EVL: variants seen among roughly 807,000 people sequenced by gnomAD.
EVL encodes Enah/Vasp-like, also known as ena/VASP-like protein.
EVL carries 21 observed loss-of-function variants against 59.6 expected under a neutral mutation model. The ratio of observed to expected loss-of-function variants is 0.35; its 90% CI spans 0.25 to 0.51. The LOEUF is 0.51. EVL is among the 20% of genes least tolerant of loss of function. The pLI is 0.97. For synonymous variants in EVL, 198 were observed against 203.5 expected (o/e 0.97, Z 0.23); for missense variants, 462 against 546.6 (o/e 0.85, Z 1.54).
At chr14:99,987,903 CA>C (rs1471075391) in intron 1 of EVL, among the ~76,000 whole-genome samples, 3 of 144,284 alleles carry the variant, frequency 2.1e-5, no homozygotes, top group Non-Finnish European at 3.0e-5. Flanking sequence ...AAAGACAACC[CA>C]ATTTTTTTTT....
intron 1 of EVL, among the ~76,000 whole-genome samples, chr14:100,044,010 G>T (rs2140237182): frequency 6.6e-6 from 1 of 152,270 alleles, no homozygotes; most frequent in Middle Eastern, 3.4e-3. Flanking sequence ...CACATTGAGG[G>T]TAGGTCTTCC....
chr14:100,014,386 T>C (rs1317125733), intron 1 of EVL, among the ~76,000 whole-genome samples: 2 of 152,254 alleles, frequency 1.3e-5, no homozygotes, highest in Non-Finnish European at 2.9e-5. Flanking sequence ...CATGTGAAGT[T>C]TGTCTTTCTG....
intron 1 of EVL, among the ~76,000 whole-genome samples, chr14:100,033,645 C>G (rs2061346357): frequency 1.3e-5 from 2 of 152,222 alleles, no homozygotes; most frequent in African/African-American, 4.8e-5. Context: ...ACTTACTGAA[C>G]TTGACTATGA....
chr14:100,084,326 T>C (rs1359945568), intron 1 of EVL, among the ~76,000 whole-genome samples: 1 of 152,192 alleles, frequency 6.6e-6, no homozygotes, highest in South Asian at 2.1e-4. Context: ...ATTACAGGCA[T>C]GAGCTACCGT....
intron 1 of EVL, among the ~76,000 whole-genome samples, chr14:100,001,411 T>C (rs571769237): frequency 2.0e-5 from 3 of 152,374 alleles, no homozygotes; most frequent in South Asian, 4.1e-4. Flanking sequence ...AGGTGTGTTA[T>C]AGTTTTTGAA....
intron 1 of EVL, among the ~76,000 whole-genome samples, chr14:100,047,598 G>T (rs767618398): frequency 7.9e-5 from 12 of 152,168 alleles, no homozygotes; most frequent in Non-Finnish European, 1.5e-4. Context: ...GTCAAGGAAT[G>T]CTTCCAGGTT....
chr14:100,051,515 T>C (rs1425634749), intron 1 of EVL, among the ~76,000 whole-genome samples: 2 of 152,228 alleles, frequency 1.3e-5, no homozygotes, highest in Non-Finnish European at 2.9e-5. Flanking sequence ...TTGATTTTCT[T>C]TTTACTTATA....
At position 99,972,255 on chromosome 14, in the gene EVL, G is replaced by C. The variant is rs1368214752; in HGVS notation, c.5+198G>C. Among the ~76,000 whole-genome samples, 1 of 152,058 alleles carries C rather than the reference G, an allele frequency of 6.6e-6. No individual in the cohort carries two copies. The highest frequency in any genetic ancestry group is 1.5e-5 in the Non-Finnish European group (1 of 67,996). ...TTCGCGAGAGCCGTGGGGGCGTCTG[G>C]AGAGCCGGGAGGGTCTGCAGGGCTT... On this transcript the variant is annotated intron_variant, in intron 1 of 13. Coordinates refer to the EVL transcript ENST00000402714. This position sits in a 1 kb window ranked among gnomAD's most constrained non-coding sequence, Gnocchi z 4.4.
At chr14:100,019,538 G>T in intron 1 of EVL, 1 of 760,972 alleles carries the variant, frequency 1.3e-6, no homozygotes, top group Non-Finnish European at 2.0e-6. Context: ...TTTTACTTCA[G>T]AATATTGGGG....
Position 100,065,496 on chromosome 14 carries a change from C to T in EVL, c.-5C>T. On this transcript the variant is annotated 5_prime_UTR_variant, in exon 1 of 14. Transcript: ENST00000392920. Reference sequence around the variant, plus strand: ...CAGGGTTCCCTGTGCTGCCACTTTTCAGCCATGGCCACAAGGTGAGTATTG... The same window carrying T: ...CAGGGTTCCCTGTGCTGCCACTTTTTAGCCATGGCCACAAGGTGAGTATTG... 6.6e-7 allele frequency: 1 copy of T among 1,520,340 alleles called. No individual in the cohort carries two copies. The highest frequency in any genetic ancestry group is 8.9e-7 in the Non-Finnish European group (1 of 1,123,084). The allele number at this position is 1,520,340 out of a possible 1,614,324, so 94.2% of individuals were successfully genotyped here.
chr14:100,098,931 A>G (rs564917821), intron 3 of EVL, among the ~76,000 whole-genome samples: 5 of 152,202 alleles, frequency 3.3e-5, no homozygotes, highest in Non-Finnish European at 7.4e-5. Flanking sequence ...TAACAACTCT[A>G]TTAGCATTTG....
intron 2 of EVL, among the ~76,000 whole-genome samples, chr14:100,087,463 A>T (rs915062352): frequency 6.6e-6 from 1 of 152,114 alleles, no homozygotes; most frequent in Non-Finnish European, 1.5e-5. Flanking sequence ...AAAAATATAT[A>T]AATTATCTGG....
intron 3 of EVL, among the ~76,000 whole-genome samples, chr14:100,103,652 A>G (rs995660334): frequency 2.4e-4 from 36 of 151,766 alleles, no homozygotes; most frequent in African/African-American, 6.3e-4. Flanking sequence ...CGCCCCTTCT[A>G]TGTGCTCCCC....
chr14:100,107,523 C>T lies in EVL; in HGVS notation c.358+9865C>T, dbSNP rs530655984. 6.5e-4 allele frequency: 253 copies of T among 386,426 alleles called. 1 individual carries two copies. The highest frequency in any genetic ancestry group is 3.6e-3 in the South Asian group (25 of 6,882). 23.9% of individuals were successfully genotyped at this position (386,426 alleles called of 1,614,324 possible). A position where few individuals can be genotyped will look rare whatever the true frequency, so the allele number is the denominator to read the frequency against. On this transcript the variant is annotated intron_variant, in intron 3 of 13. Transcript: ENST00000392920. ...TGAGCAGAACCATGGCCACGCCCAACGTTCCTCCACTAGCATTCCCTCATG... is the reference window on the plus strand; with the variant it reads ...TGAGCAGAACCATGGCCACGCCCAATGTTCCTCCACTAGCATTCCCTCATG...
intron 1 of EVL, among the ~76,000 whole-genome samples, chr14:100,030,205 C>A (rs920186554): frequency 2.0e-4 from 31 of 151,694 alleles, no homozygotes; most frequent in African/African-American, 6.1e-4. Context: ...AATTCACCTA[C>A]CGCAGCCTCC....
chr14:100,129,593 A>T lies in EVL; in HGVS notation c.748A>T (p.Ser250Cys). The change falls in exon 7 of 14, where the codon AGT (serine) becomes TGT (cysteine). Residue 250 changes from serine (S) to cysteine (C), a missense_variant. By Grantham distance (112) the Ser-to-Cys change is moderately radical. Coordinates refer to ENST00000392920, the MANE Select transcript of EVL (RefSeq NM_016337.3). Reference sequence around the variant, plus strand: ...AGACGCATCTGGAGGCTCCAGTCCCAGTGGGACCTCAAAGTCCGATGCCAA... The same window carrying T: ...AGACGCATCTGGAGGCTCCAGTCCCTGTGGGACCTCAAAGTCCGATGCCAA... Reference protein sequence around the residue: ...PEDASGGSSPSGTSKSDANRA... With the variant: ...PEDASGGSSPCGTSKSDANRA... The T allele has an allele frequency of 1.2e-6, 2 of 1,613,696 alleles. No homozygotes were observed. Among genetic ancestry groups the T allele is most frequent in the Non-Finnish European group, 8.5e-7 (1 of 1,179,920 alleles).
At chr14:100,024,275 A>C (rs571533608) in intron 1 of EVL, among the ~76,000 whole-genome samples, 35 of 152,324 alleles carry the variant, frequency 2.3e-4, no homozygotes, top group African/African-American at 8.4e-4. Flanking sequence ...TGGAATATTG[A>C]AACAAGTCAA....
intron 1 of EVL, among the ~76,000 whole-genome samples, chr14:100,010,672 CAGGCGTTGA>C (rs1465147403): frequency 2.0e-5 from 3 of 152,232 alleles, no homozygotes; most frequent in Non-Finnish European, 4.4e-5. Context: ...GCTGGGATTA[CAGGCGTTGA>C]GCCACTGTGC....
At chr14:100,124,149 G>T (rs1416776219) in intron 4 of EVL, among the ~76,000 whole-genome samples, 1 of 152,252 alleles carries the variant, frequency 6.6e-6, no homozygotes, top group Admixed American at 6.5e-5. Flanking sequence ...CTCTGAAATG[G>T]CAGAGTCAGG....
Sources: gnomAD v4.1 joint callset for allele counts (sites outside exome capture counted in the v4.1 genomes callset) on GRCh38, gnomAD v4.1.1 for gene constraint, Gnocchi (gnomAD v3.1) non-coding constraint, MANE v1.5 for transcripts, NCBI Gene and HGNC (gene_info 2026-07-23, HGNC 2026-07-21) for gene names.